The following MGA variants were observed in gnomAD, a reference collection of about 807,000 sequenced individuals.
MGA encodes the protein MAX dimerization protein MGA.
A neutral mutation model predicts 261.1 loss-of-function variants in MGA; 40 were observed. The ratio of observed to expected loss-of-function variants is 0.15; its 90% confidence interval spans 0.12 to 0.20. MGA has a LOEUF of 0.20. Ranked by LOEUF, MGA falls within the 10% of genes least tolerant of loss-of-function variation. MGA has a pLI of 1.00. For synonymous variants in MGA, 1,302 were observed against 1,290.6 expected (o/e 1.01, Z -0.19); for missense variants, 3,397 against 3,630.5 (o/e 0.94, Z 1.65).
At chr15:41,627,244 G>C (rs531076468) in intron 1 of MGA, among the ~76,000 whole-genome samples, 3 of 152,080 alleles carry the variant, frequency 2.0e-5, no homozygotes, top group South Asian at 4.1e-4. Context: ...TATTATTAAC[G>C]AAAGTCCATA....
At chr15:41,764,402 C>A (rs1480693866) in intron 22 of MGA, among the ~76,000 whole-genome samples, 1 of 151,850 alleles carries the variant, frequency 6.6e-6, no homozygotes, top group Non-Finnish European at 1.5e-5. Context: ...TACAGGCGCC[C>A]GCCACCACGC....
chr15:41,763,727 G>A (rs1014100085), intron 22 of MGA, among the ~76,000 whole-genome samples: 13 of 151,852 alleles, frequency 8.6e-5, no homozygotes, highest in African/African-American at 3.1e-4. Context: ...TGGGCAACAA[G>A]CACGAAACTC....
intron 1 of MGA, among the ~76,000 whole-genome samples, chr15:41,628,199 T>A (rs528425448): frequency 7.2e-5 from 11 of 151,934 alleles, no homozygotes; most frequent in Admixed American, 2.0e-4. Context: ...GGTGAAACCC[T>A]GTCTCTACTA....
intron 2 of MGA, among the ~76,000 whole-genome samples, chr15:41,672,327 G>A (rs926556466): frequency 2.0e-5 from 3 of 152,040 alleles, no homozygotes; most frequent in Non-Finnish European, 1.5e-5. Context: ...CTAATTTTTT[G>A]TATTTTTAGT....
intron 1 of MGA, among the ~76,000 whole-genome samples, chr15:41,645,312 G>A (rs2056915001): frequency 6.6e-6 from 1 of 152,202 alleles, no homozygotes; most frequent in African/African-American, 2.4e-5. Flanking sequence ...TGTTAGGGCC[G>A]AGTGCGGTGG....
intron 1 of MGA, among the ~76,000 whole-genome samples, chr15:41,639,276 A>G (rs888755236): frequency 5.3e-5 from 8 of 151,846 alleles, no homozygotes; most frequent in Middle Eastern, 3.2e-3. Context: ...TTCTCTGGCA[A>G]TGTTTTAGTT....
At chr15:41,750,939 C>A in intron 17 of MGA, 1 of 193,254 alleles carries the variant, frequency 5.2e-6, no homozygotes, top group Non-Finnish European at 1.1e-5. Context: ...ATTTCTATGA[C>A]GTTTTCTATG....
At chr15:41,635,065 G>A (rs2056671048) in intron 1 of MGA, among the ~76,000 whole-genome samples, 1 of 152,192 alleles carries the variant, frequency 6.6e-6, no homozygotes, top group Admixed American at 6.5e-5. Flanking sequence ...TGGGTGTGGT[G>A]GCTCACGTGT....
chr15:41,670,562 G>A (rs2057993820), intron 2 of MGA, among the ~76,000 whole-genome samples: 1 of 152,176 alleles, frequency 6.6e-6, no homozygotes, highest in Non-Finnish European at 1.5e-5. Flanking sequence ...CTGGAGTGCA[G>A]TGGCATGATC....
intron 3 of MGA, among the ~76,000 whole-genome samples, chr15:41,698,421 T>C (rs1243446915): frequency 6.6e-6 from 1 of 152,160 alleles, no homozygotes; most frequent in Non-Finnish European, 1.5e-5. Context: ...TGCCTCGGCC[T>C]CCCAAAGTGC....
chr15:41,645,378 G>A (rs1265921049), intron 1 of MGA, among the ~76,000 whole-genome samples: 1 of 152,178 alleles, frequency 6.6e-6, no homozygotes, highest in Admixed American at 6.5e-5. Flanking sequence ...TCACTTGGGC[G>A]GAGCTCCAGA....
intron 22 of MGA, among the ~76,000 whole-genome samples, chr15:41,764,068 A>G (rs2063653925): frequency 6.6e-6 from 1 of 152,008 alleles, no homozygotes; most frequent in Admixed American, 6.6e-5. Flanking sequence ...CTGAGGCAGG[A>G]GAATCACTTG....
At chr15:41,659,085 T>C (rs1339210704), upstream of MGA, among the ~76,000 whole-genome samples, 1 of 152,150 alleles carries the variant, frequency 6.6e-6, no homozygotes, top group East Asian at 1.9e-4. Context: ...TGTTAAACTG[T>C]TACTTTTCAA....
At chr15:41,747,483 A>G (rs1281593585) in intron 15 of MGA, among the ~76,000 whole-genome samples, 1 of 151,600 alleles carries the variant, frequency 6.6e-6, no homozygotes, top group Non-Finnish European at 1.5e-5. Flanking sequence ...TAATCCCAAC[A>G]TTTTAGGAGG....
At position 41,769,318 on chromosome 15, in the gene MGA, TTA is replaced by T. The variant is rs1567124401; in HGVS notation, c.*2039_*2040del. 6.7e-6 allele frequency: 1 copy of T among 149,470 alleles called. No individual in the cohort carries two copies. The highest frequency in any genetic ancestry group is 6.6e-5 in the Admixed American group (1 of 15,062). The allele number at this position is 149,470 out of a possible 1,614,324, so 9.3% of individuals were successfully genotyped here. ...CACTTCCTTTTTTTTTTTTTTTTTT[TTA>T]AGAAGAATATAGGTAAACAGGTAAT... On this transcript the variant is annotated 3_prime_UTR_variant, in exon 24 of 24. Transcript: ENST00000219905.
intron 17 of MGA, among the ~76,000 whole-genome samples, chr15:41,753,572 G>A (rs1355539863): frequency 6.6e-6 from 1 of 152,132 alleles, no homozygotes. Context: ...TACAGCAATC[G>A]TGGGCTTTTT....
chr15:41,624,524 G>T (rs770058280), intron 1 of MGA, among the ~76,000 whole-genome samples: 2 of 152,120 alleles, frequency 1.3e-5, no homozygotes, highest in South Asian at 4.2e-4. Flanking sequence ...TAGTAGAGAC[G>T]GGGTTTCACT....
chr15:41,749,332 C>T lies in MGA; in HGVS notation c.5725C>T (p.Pro1909Ser), dbSNP rs758853901. The T allele has an allele frequency of 2.5e-6, 4 of 1,613,852 alleles. No individual in the cohort carries two copies. Among genetic ancestry groups the T allele is most frequent in the Non-Finnish European group, 3.4e-6 (4 of 1,179,894 alleles). Reference sequence around the variant, plus strand: ...GACCCTGAGGATTTCTCCTCCTGAACCACAAAGCTTTGCAAGTAAAACAGG... The same window carrying T: ...GACCCTGAGGATTTCTCCTCCTGAATCACAAAGCTTTGCAAGTAAAACAGG... Residue 1909 changes from proline (P) to serine (S), a missense_variant, in exon 17 of 24, where the codon CCA (proline) becomes TCA (serine). By Grantham distance (74) the Pro-to-Ser change is moderately conservative. This residue lies in a region of MGA where 1,410 missense variants were observed against 1,386.4 expected (regional missense o/e 1.02). Transcript: ENST00000219905.
intron 5 of MGA, among the ~76,000 whole-genome samples, chr15:41,701,062 T>G (rs762076068): frequency 2.0e-5 from 3 of 152,244 alleles, no homozygotes; most frequent in Non-Finnish European, 4.4e-5. Context: ...TGCTGTGGAT[T>G]GTAATAGACA....
Sources: gnomAD v4.1 joint callset for allele counts (sites outside exome capture counted in the v4.1 genomes callset) on GRCh38, gnomAD v4.1.1 for gene constraint, gnomAD v4.1.1 regional missense constraint, MANE v1.5 for transcripts, NCBI Gene and HGNC (gene_info 2026-07-23, HGNC 2026-07-21) for gene names.